The following DCAF6 variants were observed in gnomAD, a reference collection of about 807,000 sequenced individuals.
DCAF6 encodes the protein DDB1 and CUL4 associated factor 6.
Under a neutral mutation model 125.1 loss-of-function variants are expected in DCAF6, and 54 were observed. The observed-to-expected ratio is 0.43, with a 90% CI of 0.35 to 0.54. The LOEUF (loss-of-function observed/expected upper bound fraction) is 0.54, where lower values mean the gene tolerates loss of function less well. DCAF6 is among the 20% of genes least tolerant of loss of function. The probability of loss-of-function intolerance (pLI) is 0.01; values close to 1 mark genes in which losing one functional copy is unlikely to be tolerated. For synonymous variants in DCAF6, 371 were observed against 390.4 expected (o/e 0.95, Z 0.58); for missense variants, 934 against 1,161.7 (o/e 0.80, Z 2.85).
At chr1:167,900,156 G>A in the DCAF6 span, among the ~76,000 whole-genome samples, 7 of 152,194 alleles carry the variant, frequency 4.6e-5, no homozygotes, top group African/African-American at 1.7e-4. Flanking sequence ...GACAGAAGAA[G>A]ATATTGTATA....
chr1:168,018,034 T>A (rs899683420), intron 11 of DCAF6, among the ~76,000 whole-genome samples: 3 of 152,242 alleles, frequency 2.0e-5, no homozygotes, highest in Non-Finnish European at 2.9e-5. Flanking sequence ...TGCATTACAT[T>A]GTTTGGCAAC....
chr1:167,996,449 C>G (rs762332776), intron 7 of DCAF6, among the ~76,000 whole-genome samples: 2 of 152,140 alleles, frequency 1.3e-5, no homozygotes, highest in African/African-American at 4.8e-5. Flanking sequence ...CACCCTGATC[C>G]GAGCTATCAG....
chr1:167,911,118 C>T, the DCAF6 span, among the ~76,000 whole-genome samples: 37 of 152,198 alleles, frequency 2.4e-4, no homozygotes, highest in Admixed American at 1.2e-3. Context: ...TGGCAATCAC[C>T]GAAGGACAAA....
At chr1:167,956,748 GAT>G (rs1290729400) in intron 2 of DCAF6, among the ~76,000 whole-genome samples, 1 of 152,054 alleles carries the variant, frequency 6.6e-6, no homozygotes, top group Admixed American at 6.5e-5. Context: ...CATAAATTGA[GAT>G]ATGTTGCATT....
the DCAF6 span, among the ~76,000 whole-genome samples, chr1:167,894,779 G>A: frequency 6.6e-6 from 1 of 152,138 alleles, no homozygotes. Context: ...GTAGGTAGTT[G>A]GTCAGAAGTG....
chr1:168,074,332 C>G (rs1360297392), intron 21 of DCAF6, among the ~76,000 whole-genome samples: 1 of 151,996 alleles, frequency 6.6e-6, no homozygotes, highest in African/African-American at 2.4e-5. Flanking sequence ...TTATGCTTAA[C>G]CTTAATATTT....
the DCAF6 span, among the ~76,000 whole-genome samples, chr1:167,903,096 A>AAAAAT: frequency 1.1e-4 from 16 of 149,496 alleles, no homozygotes; most frequent in African/African-American, 3.7e-4. Flanking sequence ...CTCTACTGAA[A>AAAAAT]AAAATACAAA....
the DCAF6 span, among the ~76,000 whole-genome samples, chr1:167,906,479 A>G: frequency 4.4e-4 from 67 of 152,226 alleles, no homozygotes; most frequent in African/African-American, 1.3e-3. Context: ...ATTTGGTGCT[A>G]TATGAACTTT....
At chr1:167,961,656 G>A (rs1226097462) in intron 2 of DCAF6, among the ~76,000 whole-genome samples, 1 of 151,724 alleles carries the variant, frequency 6.6e-6, no homozygotes, top group East Asian at 1.9e-4. Context: ...TCCTTTTCTT[G>A]TCTTACTGCA....
At chr1:167,880,044 C>G in the DCAF6 span, 13 of 1,363,288 alleles carry the variant, frequency 9.5e-6, no homozygotes, top group Admixed American at 2.5e-4. Flanking sequence ...TTTGTGCTTC[C>G]TCCCGCAAAG....
At chr1:167,898,461 G>A in the DCAF6 span, among the ~76,000 whole-genome samples, 24 of 152,212 alleles carry the variant, frequency 1.6e-4, no homozygotes, top group Non-Finnish European at 3.1e-4. Flanking sequence ...TTAGCTGGGC[G>A]TGGTAGCGGG....
intron 13 of DCAF6, among the ~76,000 whole-genome samples, chr1:168,039,035 TTTAC>T (rs1217269469): frequency 6.6e-6 from 1 of 152,064 alleles, no homozygotes; most frequent in African/African-American, 2.4e-5. Context: ...TGTTCTATAG[TTTAC>T]TTAGCCATTT....
chr1:167,904,866 G>A, the DCAF6 span: 1 of 1,227,410 alleles, frequency 8.1e-7, no homozygotes, highest in Non-Finnish European at 1.2e-6. Flanking sequence ...TCTCAGTGGA[G>A]CACATCTGCT....
At chr1:167,910,005 T>G in the DCAF6 span, among the ~76,000 whole-genome samples, 1 of 152,192 alleles carries the variant, frequency 6.6e-6, no homozygotes, top group Non-Finnish European at 1.5e-5. Flanking sequence ...GATCTCAATC[T>G]ATTATGACCC....
intron 20 of DCAF6, among the ~76,000 whole-genome samples, chr1:168,067,202 G>A (rs912515123): frequency 6.6e-6 from 1 of 152,130 alleles, no homozygotes; most frequent in Non-Finnish European, 1.5e-5. Flanking sequence ...CTGACTGTTC[G>A]TAGCACAATT....
intron 5 of DCAF6, among the ~76,000 whole-genome samples, chr1:167,990,666 C>T (rs1680697786): frequency 6.6e-6 from 1 of 152,246 alleles, no homozygotes; most frequent in Non-Finnish European, 1.5e-5. Flanking sequence ...TTAATTGTCA[C>T]ATAAATATGA....
chr1:167,978,796 C>G (rs1172957143), intron 4 of DCAF6, among the ~76,000 whole-genome samples: 1 of 152,048 alleles, frequency 6.6e-6, no homozygotes, highest in Non-Finnish European at 1.5e-5. Context: ...GCTGAGACTA[C>G]AGGCATGCAC....
chr1:167,924,404 T>TTC, the DCAF6 span: 3 of 1,056,472 alleles, frequency 2.8e-6, no homozygotes, highest in African/African-American at 5.0e-5. Flanking sequence ...AAGAATACTC[T>TTC]AAAGTATATC....
At chr1:167,873,883 A>G in the DCAF6 span, among the ~76,000 whole-genome samples, 1 of 152,236 alleles carries the variant, frequency 6.6e-6, no homozygotes, top group African/African-American at 2.4e-5. Flanking sequence ...TTAAATGCAT[A>G]ATTGAGAGTA....
Sources: gnomAD v4.1 joint callset for allele counts (sites outside exome capture counted in the v4.1 genomes callset) on GRCh38, gnomAD v4.1.1 for gene constraint, MANE v1.5 for transcripts, NCBI Gene and HGNC (gene_info 2026-07-23, HGNC 2026-07-21) for gene names.